The following GSE1 variants were observed in gnomAD, a reference collection of about 807,000 sequenced individuals.
GSE1 encodes the protein genetic suppressor element 1.
GSE1 carries 32 observed loss-of-function variants against 112.6 expected under a neutral mutation model. The ratio of observed to expected loss-of-function variants is 0.28; its 90% CI spans 0.21 to 0.38. The LOEUF (loss-of-function observed/expected upper bound fraction) is 0.38, where lower values mean the gene tolerates loss of function less well. Among genes scored for constraint, GSE1 ranks in the 10% least tolerant of loss-of-function variants. GSE1 has a pLI of 1.00. For missense variants in GSE1, 2,348 were observed against 1,699.2 expected, an observed-to-expected ratio of 1.38 and a Z score of -6.71; for synonymous variants, 1,115 against 735.6, an observed-to-expected ratio of 1.52 and a Z score of -8.35.
chr16:85,269,451 T>A (rs1457242915), intron 1 of GSE1, among the ~76,000 whole-genome samples: 1 of 121,302 alleles, frequency 8.2e-6, no homozygotes, highest in Non-Finnish European at 1.5e-5. Flanking sequence ...TGTGTGAGTG[T>A]GTGTGTGTGT....
chr16:85,601,004 G>C (rs2047440032), intron 1 of GSE1, among the ~76,000 whole-genome samples: 1 of 147,262 alleles, frequency 6.8e-6, no homozygotes, highest in Admixed American at 6.6e-5. Flanking sequence ...GCTTCCACCA[G>C]TGGGGGGGTT....
Position 85,172,807 on chromosome 16 carries a change from T to A in GSE1, c.2283+1000T>A, listed in dbSNP as rs190229470. On this transcript the variant is annotated intron_variant, in intron 1 of 2. Coordinates refer to the GSE1 transcript ENST00000637419. ...ATTCCACCCTTTGAAAGCTTCCTGA[T>A]CCTGCCTCCCACCTGCACGTGTGGG... Among the ~76,000 whole-genome samples, 385 of 152,340 alleles carry A rather than the reference T, an allele frequency of 2.5e-3. 1 individual carries two copies. The highest frequency in any genetic ancestry group is 3.2e-3 in the Admixed American group (49 of 15,308).
At chr16:85,322,320 G>A (rs1390730867) in intron 1 of GSE1, among the ~76,000 whole-genome samples, 1 of 152,198 alleles carries the variant, frequency 6.6e-6, no homozygotes, top group East Asian at 1.9e-4. Context: ...AGGTGGCAGT[G>A]GGGGAAGGGG....
At chr16:85,359,485 T>A (rs933436786) in intron 2 of GSE1, 2 of 451,646 alleles carry the variant, frequency 4.4e-6, no homozygotes, top group Admixed American at 4.8e-5. Flanking sequence ...AATGAATGAG[T>A]CATCCTGAGC....
At chr16:85,269,318 C>T (rs1439080991) in intron 1 of GSE1, among the ~76,000 whole-genome samples, 3 of 149,312 alleles carry the variant, frequency 2.0e-5, no homozygotes, top group Non-Finnish European at 3.0e-5. Context: ...GAGATGACCT[C>T]CCCAGCAGCA....
chr16:85,645,117 C>T (rs1428493331), intron 2 of GSE1, among the ~76,000 whole-genome samples: 3 of 151,146 alleles, frequency 2.0e-5, no homozygotes, highest in East Asian at 1.9e-4. Context: ...CGGCACAGTG[C>T]CCAGTCCCAG....
chr16:85,525,080 G>A (rs939292968), intron 2 of GSE1, among the ~76,000 whole-genome samples: 9 of 152,156 alleles, frequency 5.9e-5, no homozygotes, highest in Non-Finnish European at 1.0e-4. Context: ...GCGTCACCAC[G>A]TCTGCTGGCC....
intron 1 of GSE1, among the ~76,000 whole-genome samples, chr16:85,354,630 G>A (rs1483871297): frequency 3.9e-5 from 6 of 152,344 alleles, no homozygotes; most frequent in Admixed American, 1.3e-4. Context: ...GACAGGGGTC[G>A]AGACTGGGGC....
At chr16:85,431,497 G>A (rs1005992534) in intron 2 of GSE1, among the ~76,000 whole-genome samples, 44 of 152,362 alleles carry the variant, frequency 2.9e-4, no homozygotes, top group African/African-American at 1.0e-3. Context: ...GGCCACACTT[G>A]CAGAGCGCGT....
In GSE1 at chr16:85,435,429, C is replaced by A. The variant is rs532374493; in HGVS notation, c.2464+77786C>A. Among the ~76,000 whole-genome samples the A allele has an allele frequency of 2.7e-4, 41 of 152,304 alleles. 1 individual carries two copies. Among genetic ancestry groups the A allele is most frequent in the South Asian group, 1.9e-3 (9 of 4,830 alleles). On this transcript the variant is annotated intron_variant, in intron 2 of 2. Transcript: ENST00000637419. ...AGCTCTAGAGATCGAGACCTGCACCCTCCCTCCCTCTCCCTCGACTGCAGC... is the reference window on the plus strand; with the variant it reads ...AGCTCTAGAGATCGAGACCTGCACCATCCCTCCCTCTCCCTCGACTGCAGC...
chr16:85,467,694 C>T (rs758686475), intron 2 of GSE1, among the ~76,000 whole-genome samples: 9 of 152,188 alleles, frequency 5.9e-5, no homozygotes, highest in Admixed American at 1.3e-4. Context: ...AAAGGGATCA[C>T]GCAGCATCAC....
At chr16:85,546,693 A>G (rs1376403535) in intron 2 of GSE1, among the ~76,000 whole-genome samples, 2 of 152,234 alleles carry the variant, frequency 1.3e-5, no homozygotes, top group Non-Finnish European at 2.9e-5. Flanking sequence ...GGACGCGGCC[A>G]GTGATTCCTT....
rs535931350 is a variant in GSE1, at chr16:85,438,183, A to G, written c.2464+80540A>G. Among the ~76,000 whole-genome samples the G allele has an allele frequency of 4.6e-5, 7 of 152,222 alleles. No homozygotes were observed. The East Asian group carries it at 1.4e-3, about 29-fold the overall frequency. On this transcript the variant is annotated intron_variant, in intron 2 of 2. Transcript: ENST00000637419. Reference sequence around the variant, plus strand: ...GTCTGTGAGCCCCCACGGGGTACCTAACACAGGTAGACACTCTGTAGAGTG... The same window carrying G: ...GTCTGTGAGCCCCCACGGGGTACCTGACACAGGTAGACACTCTGTAGAGTG...
intron 1 of GSE1, among the ~76,000 whole-genome samples, chr16:85,355,756 C>T (rs924853486): frequency 1.3e-5 from 2 of 152,164 alleles, no homozygotes; most frequent in African/African-American, 2.4e-5. Flanking sequence ...TGCAGGGGCT[C>T]ACACCTATAA....
Position 85,648,662 on chromosome 16 carries a change from G to A in GSE1, c.337G>A (p.Gly113Arg). ...VPMGPIIVPP[G>R]GHSVPSTPPV... is the part of the protein sequence containing the mutation. ...CATGGGCCCTATCATCGTCCCCCCT[G>A]GGGGCCACAGCGTGCCCAGCACCCC... is the stretch of plus-strand genomic sequence containing the variant. Residue 113 changes from glycine (G) to arginine (R), a missense_variant, in exon 3 of 16, where the codon GGG becomes AGG. Gly to Arg is a moderately radical substitution (Grantham distance 125). Transcript: ENST00000253458. 6.2e-7 allele frequency: 1 copy of A among 1,602,516 alleles called. No individual in the cohort carries two copies. Among genetic ancestry groups the A allele is most frequent in the Non-Finnish European group, 8.5e-7 (1 of 1,172,242 alleles).
intron 1 of GSE1, among the ~76,000 whole-genome samples, chr16:85,230,910 GGAAT>G (rs1567625462): frequency 6.6e-6 from 1 of 151,600 alleles, no homozygotes; most frequent in East Asian, 1.9e-4. Context: ...TGGATAGAAT[GGAAT>G]GGATGGATGG....
intron 2 of GSE1, among the ~76,000 whole-genome samples, chr16:85,418,135 C>A (rs965405345): frequency 1.3e-5 from 2 of 152,272 alleles, no homozygotes; most frequent in South Asian, 2.1e-4. Flanking sequence ...CCGCGCCTGG[C>A]TGGAGGCTGC....
Position 85,648,805 on chromosome 16 carries a change from C to T in GSE1, c.426+54C>T, listed in dbSNP as rs150940721. 565 of 1,087,212 alleles carry T rather than the reference C, an allele frequency of 5.2e-4. 1 individual carries two copies. In the African/African-American group the frequency reaches 8.4e-3, roughly 16 times the overall value. 67.3% of individuals were successfully genotyped at this position (1,087,212 alleles called of 1,614,324 possible). The stretch of plus-strand genomic sequence containing the variant: ...GTCCTCTAAGTGGGGAGGCTGGATT[C>T]AGGCATCCATTGGGGGCTCTGGAGC... On this transcript the variant is annotated intron_variant, in intron 3 of 15. Transcript: ENST00000253458.
intron 1 of GSE1, among the ~76,000 whole-genome samples, chr16:85,223,453 G>T (rs761634806): frequency 1.3e-5 from 2 of 150,852 alleles, no homozygotes; most frequent in Non-Finnish European, 2.9e-5. Flanking sequence ...AACCCGGGAG[G>T]TGGAGGCTGC....
Sources: gnomAD v4.1 joint callset for allele counts (sites outside exome capture counted in the v4.1 genomes callset) on GRCh38, gnomAD v4.1.1 for gene constraint, MANE v1.5 for transcripts, NCBI Gene and HGNC (gene_info 2026-07-23, HGNC 2026-07-21) for gene names.